Variants in PARD3B observed in about 807,000 individuals in gnomAD.
PARD3B encodes the protein partitioning defective 3 homolog B.
PARD3B carries 103 observed loss-of-function variants against 130.2 expected under a neutral mutation model. That is an observed-to-expected ratio of 0.79 (90% CI 0.67 to 0.93). The LOEUF (loss-of-function observed/expected upper bound fraction) is 0.93, where lower values mean the gene tolerates loss of function less well. Among genes scored for constraint, PARD3B ranks in the 40% least tolerant of loss-of-function variants. The pLI, the probability that PARD3B is intolerant of heterozygous loss-of-function variation, is 0.00. For synonymous variants in PARD3B, 583 were observed against 553.2 expected (o/e 1.05, Z -0.76); for missense variants, 1,609 against 1,499.2 (o/e 1.07, Z -1.21).
chr2:204,988,208 A>C (rs1161533470), intron 3 of PARD3B, among the ~76,000 whole-genome samples: 1 of 152,206 alleles, frequency 6.6e-6, no homozygotes, highest in African/African-American at 2.4e-5. Flanking sequence ...CTACTAGTAT[A>C]ATTCTGACAT....
At chr2:204,930,062 T>C (rs976816086) in intron 2 of PARD3B, among the ~76,000 whole-genome samples, 2 of 152,088 alleles carry the variant, frequency 1.3e-5, no homozygotes, top group African/African-American at 4.8e-5. Context: ...TTCTTGATTC[T>C]CTGGGACTTC....
intron 10 of PARD3B, among the ~76,000 whole-genome samples, chr2:205,137,956 A>G (rs1188812062): frequency 6.6e-6 from 1 of 152,206 alleles, no homozygotes; most frequent in African/African-American, 2.4e-5. Flanking sequence ...GATCCCAGGG[A>G]TGGAGGAATA....
At chr2:204,969,889 T>G (rs1691550188) in intron 3 of PARD3B, among the ~76,000 whole-genome samples, 1 of 152,106 alleles carries the variant, frequency 6.6e-6, no homozygotes, top group African/African-American at 2.4e-5. Flanking sequence ...GAAATGAGTT[T>G]GCTTCTGTCT....
intron 15 of PARD3B, among the ~76,000 whole-genome samples, chr2:205,200,154 A>G (rs2036910888): frequency 1.3e-5 from 2 of 152,184 alleles, no homozygotes; most frequent in Admixed American, 1.3e-4. Flanking sequence ...TATGGGTCAA[A>G]TTACATACAG....
chr2:205,110,379 T>C (rs1471565497), intron 5 of PARD3B, among the ~76,000 whole-genome samples: 1 of 152,228 alleles, frequency 6.6e-6, no homozygotes, highest in Non-Finnish European at 1.5e-5. Context: ...CCACTGATTC[T>C]GCAGCTTCGC....
intron 1 of PARD3B, among the ~76,000 whole-genome samples, chr2:204,566,090 A>C (rs2031655325): frequency 6.6e-6 from 1 of 152,258 alleles, no homozygotes; most frequent in South Asian, 2.1e-4. Context: ...CTAAGGCATC[A>C]GTAGTGCCAG....
At position 205,301,361 on chromosome 2, in the gene PARD3B, A is replaced by C; in HGVS notation, c.2393-103A>C. ...ACCACATAGAAGGGTAGAACTACAG[A>C]GTGCTGTTATTCATTCTTTTGCATT... On this transcript the variant is annotated intron_variant, in intron 17 of 22. Transcript: ENST00000406610. This position sits in a 1 kb window ranked among gnomAD's most constrained non-coding sequence, Gnocchi z 5.2. 6.6e-7 allele frequency: 1 copy of C among 1,513,964 alleles called. No individual in the cohort carries two copies. Among genetic ancestry groups the C allele is most frequent in the African/African-American group, 1.4e-5 (1 of 71,612 alleles). The allele number at this position is 1,513,964 out of a possible 1,614,324, so 93.8% of individuals were successfully genotyped here.
intron 16 of PARD3B, among the ~76,000 whole-genome samples, chr2:205,260,430 T>A (rs976584349): frequency 6.6e-6 from 1 of 152,176 alleles, no homozygotes; most frequent in Non-Finnish European, 1.5e-5. Context: ...CAGTTTAGTG[T>A]CTAAATCTCA....
chr2:205,215,897 A>G (rs2037881962), intron 15 of PARD3B, among the ~76,000 whole-genome samples: 3 of 152,234 alleles, frequency 2.0e-5, no homozygotes, highest in South Asian at 2.1e-4. Context: ...AATCTATATA[A>G]TACACTATTA....
chr2:204,753,276 T>C (rs2040535990), intron 2 of PARD3B, among the ~76,000 whole-genome samples: 1 of 152,182 alleles, frequency 6.6e-6, no homozygotes, highest in Admixed American at 6.6e-5. Context: ...TAGCTGGAAA[T>C]ACTGCATTTT....
At chr2:205,516,171 A>G (rs1336609418) in intron 21 of PARD3B, among the ~76,000 whole-genome samples, 1 of 152,166 alleles carries the variant, frequency 6.6e-6, no homozygotes, top group African/African-American at 2.4e-5. Flanking sequence ...GTTTTGTACC[A>G]GTACCATGCT....
At chr2:204,790,857 C>T (rs1406004016) in intron 2 of PARD3B, among the ~76,000 whole-genome samples, 8 of 152,156 alleles carry the variant, frequency 5.3e-5, no homozygotes, top group Admixed American at 5.2e-4. Flanking sequence ...GTAATACCAG[C>T]CCTTTGGGAG....
rs759434028 is a variant in PARD3B at position 204,610,443 on chromosome 2, C to T, written c.120+64324C>T. Among the ~76,000 whole-genome samples the T allele has an allele frequency of 2.0e-5, 3 of 152,154 alleles. No homozygotes were observed. The highest frequency in any genetic ancestry group is 1.3e-4 in the Admixed American group (2 of 15,270). ...CGGTCTTGGCTTACTGCAACCTCGA[C>T]CTCCCATGTTAAAGCGATTCTCCTG... On this transcript the variant is annotated intron_variant, in intron 1 of 22. Coordinates refer to ENST00000406610, the MANE Select transcript of PARD3B (RefSeq NM_001302769.2). This position sits in a 1 kb window ranked among gnomAD's most constrained non-coding sequence, Gnocchi z 4.1.
At chr2:205,490,056 T>C (rs2049632871) in intron 20 of PARD3B, among the ~76,000 whole-genome samples, 1 of 152,170 alleles carries the variant, frequency 6.6e-6, no homozygotes, top group Middle Eastern at 3.2e-3. Context: ...CTGTGGTTCA[T>C]GGTGTGTGTG....
intron 4 of PARD3B, among the ~76,000 whole-genome samples, chr2:205,100,033 C>A (rs1243523505): frequency 3.3e-5 from 5 of 152,104 alleles, no homozygotes; most frequent in Admixed American, 3.3e-4. Flanking sequence ...ATATTACTTT[C>A]AAATTGTAAT....
intron 19 of PARD3B, among the ~76,000 whole-genome samples, chr2:205,402,079 T>C (rs2046272559): frequency 6.6e-6 from 1 of 152,218 alleles, no homozygotes; most frequent in South Asian, 2.1e-4. Context: ...TAAGAGTATC[T>C]ACTGTTAGCC....
intron 19 of PARD3B, among the ~76,000 whole-genome samples, chr2:205,413,844 T>C (rs2046682978): frequency 6.6e-6 from 1 of 152,220 alleles, no homozygotes; most frequent in African/African-American, 2.4e-5. Context: ...CAAATTGGGC[T>C]TGTGTCCCCA....
intron 2 of PARD3B, among the ~76,000 whole-genome samples, chr2:204,693,072 A>G (rs948949048): frequency 1.3e-5 from 2 of 151,970 alleles, no homozygotes; most frequent in Admixed American, 6.6e-5. Flanking sequence ...GTTAGTTTCA[A>G]GTTGGCTTCT....
At chr2:204,908,319 A>T (rs964036187) in intron 2 of PARD3B, among the ~76,000 whole-genome samples, 2 of 152,234 alleles carry the variant, frequency 1.3e-5, no homozygotes, top group Non-Finnish European at 1.5e-5. Flanking sequence ...CACATATCGA[A>T]GATGAAATTG....
Sources: allele counts gnomAD v4.1 joint callset (sites outside exome capture counted in the v4.1 genomes callset), GRCh38; gene constraint gnomAD v4.1.1; non-coding constraint Gnocchi (gnomAD v3.1); transcripts MANE v1.5; gene names NCBI Gene and HGNC (gene_info 2026-07-23, HGNC 2026-07-21).